The following SAMD5 variants were observed in gnomAD, a reference collection of about 807,000 sequenced individuals.
The protein encoded by SAMD5 is sterile alpha motif domain containing 5, also known as sterile alpha motif domain-containing protein 5.
A neutral mutation model predicts 11.3 loss-of-function variants in SAMD5; 13 were observed. That is an observed-to-expected ratio of 1.15 (90% confidence interval 0.75 to 1.83). SAMD5 has a LOEUF of 1.83. SAMD5 is among the 40% of genes most tolerant of loss of function. The pLI, the probability that SAMD5 is intolerant of heterozygous loss-of-function variation, is 0.00. For synonymous variants in SAMD5, 129 were observed against 111.3 expected (o/e 1.16, Z -1.00); for missense variants, 255 against 239.1 (o/e 1.07, Z -0.44).
the SAMD5 span, among the ~76,000 whole-genome samples, chr6:147,848,266 T>TGAG: frequency 1.3e-5 from 2 of 152,096 alleles, no homozygotes; most frequent in Non-Finnish European, 2.9e-5. Context: ...GAAGGGGCGG[T>TGAG]CTGGATGAGC....
the SAMD5 span, among the ~76,000 whole-genome samples, chr6:147,762,850 A>G: frequency 2.0e-5 from 3 of 152,204 alleles, no homozygotes; most frequent in Non-Finnish European, 4.4e-5. Context: ...ACAGTAAAAT[A>G]TAAGCTATTT....
chr6:147,611,811 C>G (rs1408794726), intron 1 of SAMD5, among the ~76,000 whole-genome samples: 1 of 152,144 alleles, frequency 6.6e-6, no homozygotes, highest in African/African-American at 2.4e-5. Context: ...GAATCTCACT[C>G]AGGGAGGTTG....
intron 1 of SAMD5, among the ~76,000 whole-genome samples, chr6:147,594,510 C>T (rs891101900): frequency 6.6e-6 from 1 of 152,102 alleles, no homozygotes; most frequent in Admixed American, 6.6e-5. Flanking sequence ...TTATCTAATC[C>T]ATTATATTAC....
chr6:147,689,813 A>G (rs935247102), intron 1 of SAMD5, among the ~76,000 whole-genome samples: 3 of 152,232 alleles, frequency 2.0e-5, no homozygotes, highest in African/African-American at 7.2e-5. Flanking sequence ...GGGGTGGGAT[A>G]TGGCAGATTC....
At chr6:147,718,126 T>C (rs546532580) in intron 1 of SAMD5, among the ~76,000 whole-genome samples, 1 of 152,298 alleles carries the variant, frequency 6.6e-6, no homozygotes, top group African/African-American at 2.4e-5. Flanking sequence ...CTGCGTACTA[T>C]ATGAGGTGAA....
At chr6:147,675,754 G>A (rs1020010138) in intron 1 of SAMD5, among the ~76,000 whole-genome samples, 3 of 152,122 alleles carry the variant, frequency 2.0e-5, no homozygotes, top group Non-Finnish European at 4.4e-5. Flanking sequence ...TGTATAAGGG[G>A]AAAATTATAA....
the SAMD5 span, among the ~76,000 whole-genome samples, chr6:147,830,251 C>CTTTTTTTTTTTTTTTTTTTT: frequency 2.9e-4 from 25 of 84,930 alleles, no homozygotes; most frequent in Non-Finnish European, 4.5e-4. Flanking sequence ...TTCTTTCTTT[C>CTTTTTTTTTTTTTTTTTTTT]TTTTTTTTTT....
At chr6:147,891,644 TA>T in the SAMD5 span, among the ~76,000 whole-genome samples, 1 of 152,034 alleles carries the variant, frequency 6.6e-6, no homozygotes, top group Non-Finnish European at 1.5e-5. Flanking sequence ...GGTAATATTA[TA>T]AAAAATCGAA....
chr6:147,756,135 A>G, the SAMD5 span, among the ~76,000 whole-genome samples: 4 of 152,176 alleles, frequency 2.6e-5, no homozygotes, highest in Admixed American at 6.6e-5. Context: ...CAAGTTTGAA[A>G]AAAACAAAAA....
the SAMD5 span, among the ~76,000 whole-genome samples, chr6:147,928,212 G>C: frequency 2.6e-5 from 4 of 151,556 alleles, no homozygotes; most frequent in Non-Finnish European, 4.4e-5. Context: ...CCTCAGTTTT[G>C]GGAAATAGTT....
chr6:147,877,341 T>C, the SAMD5 span, among the ~76,000 whole-genome samples: 1 of 152,070 alleles, frequency 6.6e-6, no homozygotes, highest in Admixed American at 6.5e-5. Flanking sequence ...TAATAGATAA[T>C]CCTTGTATAT....
At chr6:147,845,985 A>G in the SAMD5 span, among the ~76,000 whole-genome samples, 1 of 152,198 alleles carries the variant, frequency 6.6e-6, no homozygotes, top group African/African-American at 2.4e-5. Context: ...GTTTCCATCA[A>G]GAGGCGTACA....
chr6:147,763,236 T>G, the SAMD5 span, among the ~76,000 whole-genome samples: 1 of 151,822 alleles, frequency 6.6e-6, no homozygotes, highest in Non-Finnish European at 1.5e-5. Context: ...CTCGGCCCAC[T>G]GCAACCTCCG....
chr6:147,580,299 G>A (rs1483017926), intron 1 of SAMD5, among the ~76,000 whole-genome samples: 1 of 152,156 alleles, frequency 6.6e-6, no homozygotes, highest in African/African-American at 2.4e-5. Context: ...CATTCCACCA[G>A]GTCAGGGACA....
At chr6:147,913,987 C>T in the SAMD5 span, among the ~76,000 whole-genome samples, 1 of 152,064 alleles carries the variant, frequency 6.6e-6, no homozygotes, top group Admixed American at 6.5e-5. Flanking sequence ...TCAAAGGAAC[C>T]AGGGCTCCCT....
the SAMD5 span, among the ~76,000 whole-genome samples, chr6:147,898,951 CGG>C: frequency 6.6e-6 from 1 of 151,500 alleles, no homozygotes; most frequent in African/African-American, 2.4e-5. Flanking sequence ...GAGGCCGAGG[CGG>C]GCAGATCACG....
the SAMD5 span, among the ~76,000 whole-genome samples, chr6:147,853,505 C>A: frequency 6.6e-6 from 1 of 151,906 alleles, no homozygotes; most frequent in East Asian, 1.9e-4. Context: ...AAAAGGGTAG[C>A]GAATAGTATA....
At chr6:147,850,002 T>TG in the SAMD5 span, among the ~76,000 whole-genome samples, 1 of 152,220 alleles carries the variant, frequency 6.6e-6, no homozygotes, top group South Asian at 2.1e-4. Flanking sequence ...GCAAATAGTA[T>TG]GAGTTAAGAG....
At chr6:147,549,797 C>T (rs1236600991) in intron 1 of SAMD5, among the ~76,000 whole-genome samples, 1 of 152,010 alleles carries the variant, frequency 6.6e-6, no homozygotes, top group African/African-American at 2.4e-5. Flanking sequence ...AAATTATGTA[C>T]TTCTATAGCA....
Sources: gnomAD v4.1 joint callset for allele counts (sites outside exome capture counted in the v4.1 genomes callset) on GRCh38, gnomAD v4.1.1 for gene constraint, MANE v1.5 for transcripts, NCBI Gene and HGNC (gene_info 2026-07-23, HGNC 2026-07-21) for gene names.